The following NRXN1 variants were observed in gnomAD, a reference collection of about 807,000 sequenced individuals.
NRXN1 encodes the protein neurexin-1.
Under a neutral mutation model 150.9 loss-of-function variants are expected in NRXN1, and 39 were observed. That is an observed-to-expected ratio of 0.26 (90% CI 0.20 to 0.34). NRXN1 has a LOEUF of 0.34. Among genes scored for constraint, NRXN1 ranks in the 10% least tolerant of loss-of-function variants. The pLI is 1.00. For missense variants in NRXN1, 1,815 were observed against 1,949.9 expected (o/e 0.93, Z 1.30); for synonymous variants, 924 against 757.0 (o/e 1.22, Z -3.62).
chr2:50,594,852 G>A (rs1286024037), intron 8 of NRXN1, among the ~76,000 whole-genome samples: 2 of 151,922 alleles, frequency 1.3e-5, no homozygotes, highest in Non-Finnish European at 1.5e-5. Flanking sequence ...CAACACCAGG[G>A]GTGACTCTCA....
chr2:50,871,549 G>A (rs1388291989), intron 5 of NRXN1, among the ~76,000 whole-genome samples: 1 of 151,774 alleles, frequency 6.6e-6, no homozygotes. Context: ...CAATTTAAGA[G>A]AAATATACAG....
intron 13 of NRXN1, among the ~76,000 whole-genome samples, chr2:50,498,694 A>AGAT (rs1008172116): frequency 2.0e-5 from 3 of 152,236 alleles, no homozygotes; most frequent in African/African-American, 7.2e-5. Flanking sequence ...AAATAAGCAA[A>AGAT]GATGTGAACT....
intron 19 of NRXN1, among the ~76,000 whole-genome samples, chr2:50,089,786 C>CAA (rs5831081): frequency 1.6e-4 from 20 of 127,284 alleles, no homozygotes; most frequent in African/African-American, 5.0e-4. Flanking sequence ...GACCTTGCTT[C>CAA]AAAAAAAAAA....
intron 17 of NRXN1, among the ~76,000 whole-genome samples, chr2:50,446,020 T>C (rs2086372297): frequency 6.6e-6 from 1 of 152,054 alleles, no homozygotes; most frequent in South Asian, 2.1e-4. Flanking sequence ...CCCTCACTCA[T>C]AAAGCCTAAG....
intron 5 of NRXN1, among the ~76,000 whole-genome samples, chr2:50,774,363 G>T (rs963222024): frequency 6.6e-6 from 1 of 151,972 alleles, no homozygotes; most frequent in Admixed American, 6.6e-5. Context: ...TTGATTTGAG[G>T]GCATTTAGTA....
chr2:51,016,050 G>C (rs1392901002), intron 2 of NRXN1, among the ~76,000 whole-genome samples: 1 of 152,006 alleles, frequency 6.6e-6, no homozygotes, highest in African/African-American at 2.4e-5. Context: ...ACAGAACAGA[G>C]ACCTCAGAAA....
At chr2:50,180,691 C>A (rs562578771) in intron 18 of NRXN1, among the ~76,000 whole-genome samples, 2 of 152,228 alleles carry the variant, frequency 1.3e-5, no homozygotes, top group South Asian at 4.1e-4. Flanking sequence ...CCATCAGACA[C>A]CAGATGCTGG....
Position 50,074,220 on chromosome 2 carries a change from T to C in NRXN1, c.3718+17103A>G, listed in dbSNP as rs147630214. Among the ~76,000 whole-genome samples, 721 of 152,270 alleles carry C rather than the reference T, an allele frequency of 4.7e-3. 6 individuals are homozygous for C. Among genetic ancestry groups the C allele is most frequent in the African/African-American group, 0.016 (685 of 41,570 alleles). On this transcript the variant is annotated intron_variant, in intron 19 of 22. Transcript: ENST00000401669. ...TTTTATATTATCACTATAATTTAGG[T>C]AAAATTATAGTATATTAGCACTAGA...
At chr2:50,600,859 A>G (rs1337606909) in intron 8 of NRXN1, among the ~76,000 whole-genome samples, 1 of 152,200 alleles carries the variant, frequency 6.6e-6, no homozygotes, top group Non-Finnish European at 1.5e-5. Context: ...TATGAATAAG[A>G]AAAGAGAAAA....
At chr2:50,682,694 T>C (rs141061601) in intron 5 of NRXN1, among the ~76,000 whole-genome samples, 229 of 152,248 alleles carry the variant, frequency 1.5e-3, no homozygotes, top group South Asian at 0.011. Flanking sequence ...CTGATACAGA[T>C]TGCAATTTTT....
At chr2:49,999,556 A>T (rs1031523560) in intron 21 of NRXN1, among the ~76,000 whole-genome samples, 1 of 152,190 alleles carries the variant, frequency 6.6e-6, no homozygotes, top group Non-Finnish European at 1.5e-5. Flanking sequence ...GTATAATTTC[A>T]TATTCTTTGT....
chr2:51,002,580 C>T (rs527796129), intron 2 of NRXN1, among the ~76,000 whole-genome samples: 6 of 151,804 alleles, frequency 4.0e-5, no homozygotes, highest in African/African-American at 1.5e-4. Flanking sequence ...TGAAAGTATC[C>T]TCTATGTACC....
chr2:50,914,061 T>A (rs1684885753), intron 5 of NRXN1, among the ~76,000 whole-genome samples: 1 of 151,842 alleles, frequency 6.6e-6, no homozygotes, highest in African/African-American at 2.4e-5. Flanking sequence ...TTAAGCAAAA[T>A]ATGGCCTCAG....
chr2:50,785,111 C>G (rs146399864), intron 5 of NRXN1, among the ~76,000 whole-genome samples: 46 of 152,044 alleles, frequency 3.0e-4, no homozygotes, highest in African/African-American at 1.0e-3. Flanking sequence ...TGAGGACATA[C>G]AGAGAAAAGA....
chr2:50,733,128 T>C (rs919071383), intron 5 of NRXN1, among the ~76,000 whole-genome samples: 1 of 152,152 alleles, frequency 6.6e-6, no homozygotes, highest in African/African-American at 2.4e-5. Flanking sequence ...TAAATAAGCA[T>C]TTAACATTTG....
At chr2:50,260,399 G>A (rs2068129937) in intron 17 of NRXN1, among the ~76,000 whole-genome samples, 1 of 151,750 alleles carries the variant, frequency 6.6e-6, no homozygotes, top group Non-Finnish European at 1.5e-5. Flanking sequence ...TGTACAACTT[G>A]CACAAACATC....
intron 15 of NRXN1, among the ~76,000 whole-genome samples, chr2:50,476,261 T>C (rs1035794983): frequency 6.6e-6 from 1 of 152,118 alleles, no homozygotes; most frequent in Non-Finnish European, 1.5e-5. Context: ...AAGAGTGTTA[T>C]CTGTGAATGA....
At chr2:50,393,490 G>A (rs1302388880) in intron 17 of NRXN1, among the ~76,000 whole-genome samples, 1 of 152,048 alleles carries the variant, frequency 6.6e-6, no homozygotes, top group African/African-American at 2.4e-5. Context: ...AATTTAAGAA[G>A]TAAAGATATT....
chr2:50,798,921 C>A (rs1170102171), intron 5 of NRXN1, among the ~76,000 whole-genome samples: 11 of 152,226 alleles, frequency 7.2e-5, no homozygotes, highest in South Asian at 4.1e-4. Flanking sequence ...GCAGCAATTG[C>A]TGAAAAGTTA....
Sources: gnomAD v4.1 joint callset for allele counts (sites outside exome capture counted in the v4.1 genomes callset) on GRCh38, gnomAD v4.1.1 for gene constraint, MANE v1.5 for transcripts, NCBI Gene and HGNC (gene_info 2026-07-23, HGNC 2026-07-21) for gene names.